The following NCAM1 variants were observed in gnomAD, a reference collection of about 807,000 sequenced individuals.
NCAM1 encodes the protein neural cell adhesion molecule 1.
NCAM1 carries 14 observed loss-of-function variants against 109.8 expected under a neutral mutation model. The observed-to-expected ratio is 0.13, with a 90% CI of 0.08 to 0.20. The LOEUF is 0.20. Among genes scored for constraint, NCAM1 ranks in the 10% least tolerant of loss-of-function variants. The pLI, the probability that NCAM1 is intolerant of heterozygous loss-of-function variation, is 1.00. For synonymous variants in NCAM1, 418 were observed against 442.9 expected (o/e 0.94, Z 0.70); for missense variants, 774 against 1,109.9 (o/e 0.70, Z 4.30).
intron 1 of NCAM1, among the ~76,000 whole-genome samples, chr11:113,131,834 A>C (rs1251569214): frequency 2.0e-5 from 3 of 152,240 alleles, no homozygotes; most frequent in Admixed American, 1.3e-4. Flanking sequence ...GCCAGAACCC[A>C]GCCACGTGGT....
chr11:113,263,110 C>G, intron 17 of NCAM1: 1 of 1,309,138 alleles, frequency 7.6e-7, no homozygotes. Context: ...CTCACAGATA[C>G]TTTTGTGCCA....
At chr11:113,248,228 C>CAA (rs34946502) in intron 15 of NCAM1, among the ~76,000 whole-genome samples, 13,216 of 129,966 alleles carry the variant, frequency 0.1, 1,119 homozygotes, top group East Asian at 0.4. Context: ...TGGCCGGTAC[C>CAA]AAAAAAAAAA....
At chr11:113,254,011 T>C (rs1945769865) in intron 15 of NCAM1, among the ~76,000 whole-genome samples, 1 of 152,112 alleles carries the variant, frequency 6.6e-6, no homozygotes, top group South Asian at 2.1e-4. Flanking sequence ...CTGTGTCTCC[T>C]TCTATTTGTT....
Position 113,277,248 on chromosome 11 carries a change from T to G in NCAM1, c.*1861T>G, listed in dbSNP as rs1946414517. ...CCACTCTCCCCAACGTTCTGACACTTCTGCAGTCTGATCAGTGGCGATGCT... is the reference window on the plus strand; with the variant it reads ...CCACTCTCCCCAACGTTCTGACACTGCTGCAGTCTGATCAGTGGCGATGCT... On this transcript the variant is annotated 3_prime_UTR_variant, in exon 20 of 20. Transcript: ENST00000316851. 1.3e-5 allele frequency: 5 copies of G among 398,468 alleles called. No homozygotes were observed. Among genetic ancestry groups the G allele is most frequent in the Non-Finnish European group, 2.2e-5 (5 of 225,846 alleles). The allele number at this position is 398,468 out of a possible 1,614,324, so 24.7% of individuals were successfully genotyped here.
intron 1 of NCAM1, among the ~76,000 whole-genome samples, chr11:113,104,223 G>GGGGGGGGGGGGGGGGGGGGT (rs1940040311): frequency 9.9e-6 from 1 of 100,692 alleles, no homozygotes; most frequent in African/African-American, 3.8e-5. Flanking sequence ...GGGGGGCGGG[G>GGGGGGGGGGGGGGGGGGGGT]TGGTGGTGGC....
At chr11:113,185,983 T>C (rs1555108839) in intron 1 of NCAM1, among the ~76,000 whole-genome samples, 1 of 152,186 alleles carries the variant, frequency 6.6e-6, no homozygotes, top group African/African-American at 2.4e-5. Context: ...CCCCGCTGCA[T>C]TTGGGGACCA....
chr11:113,048,803 G>A (rs1461280484), intron 1 of NCAM1, among the ~76,000 whole-genome samples: 1 of 152,194 alleles, frequency 6.6e-6, no homozygotes, highest in Non-Finnish European at 1.5e-5. Context: ...ATGAGATAAT[G>A]TAAAGCTTCT....
chr11:113,181,448 T>C (rs1555107926), intron 1 of NCAM1, among the ~76,000 whole-genome samples: 3 of 152,166 alleles, frequency 2.0e-5, no homozygotes, highest in Non-Finnish European at 2.9e-5. Flanking sequence ...GTTCTACTTA[T>C]AAGTGGGAGC....
At chr11:113,070,753 A>G (rs1489752206) in intron 1 of NCAM1, among the ~76,000 whole-genome samples, 1 of 152,176 alleles carries the variant, frequency 6.6e-6, no homozygotes, top group African/African-American at 2.4e-5. Flanking sequence ...TGGCCTCTAT[A>G]CTCACTATAA....
chr11:113,216,718 A>G (rs1206465263), intron 8 of NCAM1, among the ~76,000 whole-genome samples: 1 of 152,184 alleles, frequency 6.6e-6, no homozygotes, highest in Non-Finnish European at 1.5e-5. Flanking sequence ...AAGTCCTCCA[A>G]ATCAGCTGGT....
intron 1 of NCAM1, among the ~76,000 whole-genome samples, chr11:113,120,879 A>G (rs565144975): frequency 1.4e-4 from 22 of 152,314 alleles, no homozygotes; most frequent in Admixed American, 1.4e-3. Flanking sequence ...ATGAGGCTGA[A>G]GACCAGTCAA....
chr11:113,129,017 G>C (rs1555097797), intron 1 of NCAM1, among the ~76,000 whole-genome samples: 1 of 151,730 alleles, frequency 6.6e-6, no homozygotes, highest in East Asian at 1.9e-4. Context: ...AGCAAAAAAC[G>C]AGAGCAGAAA....
At chr11:113,065,456 T>C (rs1937905651) in intron 1 of NCAM1, among the ~76,000 whole-genome samples, 1 of 152,154 alleles carries the variant, frequency 6.6e-6, no homozygotes, top group African/African-American at 2.4e-5. Context: ...GGGAGAAACC[T>C]GGTAAATAGT....
At chr11:113,108,356 T>G (rs1246465073) in intron 1 of NCAM1, among the ~76,000 whole-genome samples, 1 of 152,310 alleles carries the variant, frequency 6.6e-6, no homozygotes, top group East Asian at 1.9e-4. Context: ...AACTTTTAAA[T>G]TTTTGAAACT....
chr11:113,060,143 T>C (rs1254694905), intron 1 of NCAM1, among the ~76,000 whole-genome samples: 3 of 152,258 alleles, frequency 2.0e-5, no homozygotes, highest in African/African-American at 7.2e-5. Flanking sequence ...GTTTTGTAGA[T>C]CTTGGTTGCT....
chr11:113,087,885 T>C (rs1939159904), intron 1 of NCAM1, among the ~76,000 whole-genome samples: 1 of 152,190 alleles, frequency 6.6e-6, no homozygotes, highest in South Asian at 2.1e-4. Flanking sequence ...GGTCTATCCT[T>C]AGCGGCTAAG....
intron 1 of NCAM1, among the ~76,000 whole-genome samples, chr11:113,160,737 C>T (rs1039911108): frequency 8.5e-5 from 13 of 152,084 alleles, no homozygotes; most frequent in African/African-American, 3.1e-4. Context: ...ATGGCTGTAC[C>T]GGTTCCAAAC....
rs546952025 is a variant in NCAM1, at chr11:113,101,852, G to T, written c.53-100527G>T. Among the ~76,000 whole-genome samples the T allele has an allele frequency of 2.2e-4, 34 of 152,276 alleles. No individual in the cohort carries two copies. The South Asian group carries it at 7.0e-3, about 32-fold the overall frequency. On this transcript the variant is annotated intron_variant, in intron 1 of 19. Coordinates refer to ENST00000316851, the MANE Select transcript of NCAM1 (RefSeq NM_181351.5). ...CAAATTTGGCCTTGCTATTTCCCAAGATGTGCTTCCCCAATGATGTGTATT... is the reference window on the plus strand; with the variant it reads ...CAAATTTGGCCTTGCTATTTCCCAATATGTGCTTCCCCAATGATGTGTATT...
intron 1 of NCAM1, among the ~76,000 whole-genome samples, chr11:113,040,106 C>A (rs1591272946): frequency 6.6e-6 from 1 of 152,150 alleles, no homozygotes; most frequent in East Asian, 1.9e-4. Context: ...CGCGTCACTG[C>A]ACTCCAGCCT....
Sources: gnomAD v4.1 joint callset for allele counts (sites outside exome capture counted in the v4.1 genomes callset) on GRCh38, gnomAD v4.1.1 for gene constraint, MANE v1.5 for transcripts, NCBI Gene and HGNC (gene_info 2026-07-23, HGNC 2026-07-21) for gene names.